ST7: variants seen among roughly 807,000 people sequenced by gnomAD.
ST7 encodes the protein suppressor of tumorigenicity 7 protein.
In ST7, 28 loss-of-function variants were observed where a neutral mutation model predicts 78.7. That is an observed-to-expected ratio of 0.36 (90% CI 0.26 to 0.49). The LOEUF (loss-of-function observed/expected upper bound fraction) is 0.49, where lower values mean the gene tolerates loss of function less well. Ranked by LOEUF, ST7 falls within the 20% of genes least tolerant of loss-of-function variation. The probability of loss-of-function intolerance (pLI) is 0.99; values close to 1 mark genes in which losing one functional copy is unlikely to be tolerated. For missense variants in ST7, 418 were observed against 696.0 expected, an observed-to-expected ratio of 0.60 and a Z score of 4.49; for synonymous variants, 247 against 249.6, an observed-to-expected ratio of 0.99 and a Z score of 0.10.
At chr7:117,134,933 A>G (rs1299131320) in intron 7 of ST7, among the ~76,000 whole-genome samples, 1 of 152,054 alleles carries the variant, frequency 6.6e-6, no homozygotes, top group African/African-American at 2.4e-5. Context: ...GCTAAGATTA[A>G]CTAGTAGCCC....
At chr7:117,210,421 C>T (rs1792185025) in intron 13 of ST7, among the ~76,000 whole-genome samples, 1 of 152,164 alleles carries the variant, frequency 6.6e-6, no homozygotes, top group South Asian at 2.1e-4. Flanking sequence ...GGCCATTGAA[C>T]CCTGGTGTTT....
At chr7:117,193,886 A>C (rs1440266336) in intron 12 of ST7, among the ~76,000 whole-genome samples, 1 of 152,234 alleles carries the variant, frequency 6.6e-6, no homozygotes, top group Non-Finnish European at 1.5e-5. Context: ...GCTTCGCTTC[A>C]TCTGGTATCC....
intron 1 of ST7, among the ~76,000 whole-genome samples, chr7:116,976,331 A>G (rs1720384131): frequency 6.6e-6 from 1 of 152,146 alleles, no homozygotes; most frequent in South Asian, 2.1e-4. Flanking sequence ...GTGGCTTCAT[A>G]TAGTAAGTAT....
At chr7:117,134,827 T>A (rs571683830) in intron 7 of ST7, among the ~76,000 whole-genome samples, 1 of 151,974 alleles carries the variant, frequency 6.6e-6, no homozygotes, top group Non-Finnish European at 1.5e-5. Context: ...TTCTGGGCAT[T>A]TTTCTCCCTA....
chr7:116,968,541 T>TA (rs1793258945), intron 1 of ST7: 1 of 362,828 alleles, frequency 2.8e-6, no homozygotes, highest in Admixed American at 3.0e-5. Flanking sequence ...TCTTTTCTCT[T>TA]ACAATCAAAT....
rs1433343188 is a variant in ST7, at chr7:117,190,398, G to A, written c.1152-436G>A. The A allele has an allele frequency of 2.4e-5, 4 of 167,186 alleles. No homozygotes were observed. The highest frequency in any genetic ancestry group is 7.2e-5 in the African/African-American group (3 of 41,630). 10.4% of individuals were successfully genotyped at this position (167,186 alleles called of 1,614,324 possible). On this transcript the variant is annotated intron_variant, in intron 11 of 15. Coordinates refer to ENST00000323984, the MANE Select transcript of ST7 (RefSeq NM_001369598.1). The surrounding 1 kb of genome is among the most constrained non-coding windows in gnomAD (Gnocchi z 5.2). ...GCTCGCCTGCTGCTGAAGCTGCAAC[G>A]ATTTAACCTCCATCGCAGCACTGAC...
intron 1 of ST7, among the ~76,000 whole-genome samples, chr7:117,011,560 T>C (rs571927003): frequency 2.4e-4 from 36 of 152,280 alleles, no homozygotes; most frequent in Non-Finnish European, 4.3e-4. Flanking sequence ...AGGTAATGAG[T>C]GGCCGTGTTG....
chr7:116,957,113 T>C (rs973894646), intron 1 of ST7: 3 of 165,652 alleles, frequency 1.8e-5, no homozygotes, highest in South Asian at 1.7e-4. Flanking sequence ...TAAAAATGCT[T>C]TGAATGCTGT....
At chr7:116,956,352 A>G (rs1295996550) in intron 1 of ST7, 2 of 392,872 alleles carry the variant, frequency 5.1e-6, no homozygotes, top group Non-Finnish European at 1.1e-5. Context: ...GGCAGGAGCT[A>G]GCCTGGTCTA....
chr7:116,972,974 C>G, intron 1 of ST7: 1 of 831,934 alleles, frequency 1.2e-6, no homozygotes. Context: ...GTTGCAGCCT[C>G]CTCTCCCTCA....
chr7:117,209,770 C>A lies in ST7; in HGVS notation c.1255-17C>A. 6.2e-7 allele frequency: 1 copy of A among 1,610,416 alleles called. No homozygotes were observed. The highest frequency in any genetic ancestry group is 1.7e-5 in the Admixed American group (1 of 59,498). On this transcript the variant is annotated splice_polypyrimidine_tract_variant and intron_variant, in intron 12 of 15. Transcript: ENST00000323984. ...ACTTAGGTATTAACACAAGTGTGTCCTGCTTTTTTATTTCAGTACCTACTA... is the reference window on the plus strand; with the variant it reads ...ACTTAGGTATTAACACAAGTGTGTCATGCTTTTTTATTTCAGTACCTACTA...
At chr7:117,192,649 G>C (rs1236051756) in intron 12 of ST7, among the ~76,000 whole-genome samples, 2 of 152,106 alleles carry the variant, frequency 1.3e-5, no homozygotes, top group Non-Finnish European at 1.5e-5. Flanking sequence ...CTTTTACCGT[G>C]ATCCTAACTA....
At chr7:117,057,135 T>TAAA in intron 1 of ST7, among the ~76,000 whole-genome samples, 1 of 152,212 alleles carries the variant, frequency 6.6e-6, no homozygotes, top group African/African-American at 2.4e-5. Context: ...CTATTTAAAA[T>TAAA]GTAATTATTT....
intron 15 of ST7, among the ~76,000 whole-genome samples, chr7:117,226,922 G>A (rs904751636): frequency 4.6e-5 from 7 of 152,206 alleles, no homozygotes; most frequent in Non-Finnish European, 7.3e-5. Flanking sequence ...GTGGAACCTT[G>A]TTGAGAAGGG....
intron 1 of ST7, among the ~76,000 whole-genome samples, chr7:117,019,703 G>A (rs1344653051): frequency 6.6e-6 from 1 of 152,200 alleles, no homozygotes; most frequent in Non-Finnish European, 1.5e-5. Flanking sequence ...AAGTACTTAA[G>A]ATTACTATTT....
intron 1 of ST7, among the ~76,000 whole-genome samples, chr7:116,989,038 C>A (rs1297098868): frequency 6.6e-6 from 1 of 152,074 alleles, no homozygotes; most frequent in Admixed American, 6.6e-5. Flanking sequence ...ACACATGAGC[C>A]ACATATGAAA....
intron 1 of ST7, among the ~76,000 whole-genome samples, chr7:117,026,860 G>T (rs968332042): frequency 6.6e-6 from 1 of 152,208 alleles, no homozygotes; most frequent in Non-Finnish European, 1.5e-5. Context: ...TTAAGGCTGG[G>T]TGAAGACTGG....
chr7:117,161,901 T>C (rs1433492317), intron 9 of ST7, among the ~76,000 whole-genome samples: 1 of 152,096 alleles, frequency 6.6e-6, no homozygotes, highest in Non-Finnish European at 1.5e-5. Context: ...CACCTGGCCC[T>C]CATTTTCTTT....
chr7:117,047,533 C>T (rs1242297832), intron 1 of ST7, among the ~76,000 whole-genome samples: 1 of 152,098 alleles, frequency 6.6e-6, no homozygotes, highest in Non-Finnish European at 1.5e-5. Context: ...TGCAAATGTG[C>T]ATGTCTAGCT....
Sources: gnomAD v4.1 joint callset for allele counts (sites outside exome capture counted in the v4.1 genomes callset) on GRCh38, gnomAD v4.1.1 for gene constraint, Gnocchi (gnomAD v3.1) non-coding constraint, MANE v1.5 for transcripts, NCBI Gene and HGNC (gene_info 2026-07-23, HGNC 2026-07-21) for gene names.